Variants in NUBPL observed in about 807,000 individuals in gnomAD.
The protein encoded by NUBPL is iron-sulfur cluster transfer protein NUBPL.
A neutral mutation model predicts 45.7 loss-of-function variants in NUBPL; 31 were observed. The observed-to-expected ratio is 0.68, with a 90% confidence interval of 0.51 to 0.92. The LOEUF (loss-of-function observed/expected upper bound fraction) is 0.92. Among genes scored for constraint, NUBPL ranks in the 40% least tolerant of loss-of-function variants. The pLI is 0.00. For synonymous variants in NUBPL, 144 were observed against 140.9 expected (o/e 1.02, Z -0.15); for missense variants, 401 against 398.7 (o/e 1.01, Z -0.05).
chr14:31,653,075 T>A (rs2036051646), intron 4 of NUBPL, among the ~76,000 whole-genome samples: 1 of 152,064 alleles, frequency 6.6e-6, no homozygotes, highest in South Asian at 2.1e-4. Flanking sequence ...AAAGATTACA[T>A]ACTTCAAAGG....
At chr14:31,809,343 A>C (rs113951227) in intron 7 of NUBPL, among the ~76,000 whole-genome samples, 11,200 of 152,150 alleles carry the variant, frequency 0.074, 470 homozygotes, top group Non-Finnish European at 0.091. Context: ...GTTTAGTCTT[A>C]GGAGGGTGTA....
intron 3 of NUBPL, among the ~76,000 whole-genome samples, chr14:31,579,247 G>A (rs1280083406): frequency 1.3e-5 from 2 of 152,276 alleles, no homozygotes; most frequent in East Asian, 1.9e-4. Context: ...CTTAAATAAA[G>A]GATGACCAAT....
chr14:31,742,279 C>CAT (rs1232193117), intron 6 of NUBPL, among the ~76,000 whole-genome samples: 2 of 149,010 alleles, frequency 1.3e-5, no homozygotes, highest in South Asian at 2.1e-4. Flanking sequence ...CACACACACA[C>CAT]ATCTTCCTTT....
chr14:31,844,261 C>G (rs1315617533), intron 8 of NUBPL: 2 of 152,158 alleles, frequency 1.3e-5, no homozygotes, highest in South Asian at 2.1e-4. Flanking sequence ...CAAAGATTTT[C>G]ACTTTCTTTA....
chr14:31,612,661 G>GA lies in NUBPL; in HGVS notation c.382+13292dup, dbSNP rs796995974. Reference sequence around the variant, plus strand: ...GGCAACAGAGCAAGACTCTGTCTCAGAAAAAAAAAAGAAAAGAAAAGAAAA... The same window carrying GA: ...GGCAACAGAGCAAGACTCTGTCTCAGAAAAAAAAAAAGAAAAGAAAAGAAAA... On this transcript the variant is annotated intron_variant, in intron 4 of 10. Transcript: ENST00000281081. Among the ~76,000 whole-genome samples the GA allele has an allele frequency of 8.8e-3, 1,021 of 116,114 alleles. 8 individuals carry two copies. Among genetic ancestry groups the GA allele is most frequent in the African/African-American group, 0.029 (898 of 30,462 alleles). The allele number at this position is 116,114 out of a possible 152,430, so 76.2% of individuals were successfully genotyped here.
At chr14:31,677,110 G>C (rs1183453943) in intron 6 of NUBPL, among the ~76,000 whole-genome samples, 1 of 152,014 alleles carries the variant, frequency 6.6e-6, no homozygotes. Flanking sequence ...GATACAGACA[G>C]GCACTGAGTA....
intron 8 of NUBPL, among the ~76,000 whole-genome samples, chr14:31,838,149 C>T (rs2040311609): frequency 6.6e-6 from 1 of 151,906 alleles, no homozygotes; most frequent in Admixed American, 6.6e-5. Flanking sequence ...CTGATGGTAC[C>T]AAAGATCCAG....
At chr14:31,758,444 A>G (rs944340204) in intron 6 of NUBPL, among the ~76,000 whole-genome samples, 10 of 152,216 alleles carry the variant, frequency 6.6e-5, no homozygotes, top group African/African-American at 9.6e-5. Context: ...AGAAAAATGT[A>G]GAAAATTCAC....
chr14:31,731,388 GAC>G (rs1478489464), intron 6 of NUBPL, among the ~76,000 whole-genome samples: 1 of 152,172 alleles, frequency 6.6e-6, no homozygotes, highest in Non-Finnish European at 1.5e-5. Flanking sequence ...TAATACATTT[GAC>G]ACACATAATT....
chr14:31,716,849 A>C (rs2037700040), intron 6 of NUBPL, among the ~76,000 whole-genome samples: 1 of 152,090 alleles, frequency 6.6e-6, no homozygotes, highest in Admixed American at 6.5e-5. Context: ...CTCAGGCTAA[A>C]ATCCTGAGTG....
At chr14:31,666,830 T>C (rs945196957) in intron 4 of NUBPL, among the ~76,000 whole-genome samples, 1 of 152,196 alleles carries the variant, frequency 6.6e-6, no homozygotes, top group Non-Finnish European at 1.5e-5. Flanking sequence ...TGGCCGTATA[T>C]GAAATTCTGG....
At chr14:31,637,925 A>G (rs375824652) in intron 4 of NUBPL, among the ~76,000 whole-genome samples, 1 of 150,980 alleles carries the variant, frequency 6.6e-6, no homozygotes, top group Non-Finnish European at 1.5e-5. Context: ...GCCTTTTTTT[A>G]TTTTCCATTT....
chr14:31,729,351 A>G (rs369076853), intron 6 of NUBPL, among the ~76,000 whole-genome samples: 1 of 145,686 alleles, frequency 6.9e-6, no homozygotes, highest in Non-Finnish European at 1.5e-5. Flanking sequence ...AGAATATATG[A>G]TGAACAAAAT....
chr14:31,623,605 G>A (rs2035126660), intron 4 of NUBPL, among the ~76,000 whole-genome samples: 1 of 152,154 alleles, frequency 6.6e-6, no homozygotes, highest in Admixed American at 6.5e-5. Flanking sequence ...TTGCTGCCAT[G>A]TAGGACGTGC....
chr14:31,767,025 T>A (rs1249729803), intron 6 of NUBPL, among the ~76,000 whole-genome samples: 2 of 151,338 alleles, frequency 1.3e-5, no homozygotes, highest in African/African-American at 2.4e-5. Flanking sequence ...CTGAAAAAAA[T>A]TTTCTAACGG....
At chr14:31,615,039 T>C (rs1451608004) in intron 4 of NUBPL, among the ~76,000 whole-genome samples, 1 of 152,154 alleles carries the variant, frequency 6.6e-6, no homozygotes, top group Non-Finnish European at 1.5e-5. Flanking sequence ...CCCAATGTCA[T>C]GTTGAATTGT....
chr14:31,728,788 T>G (rs61668981), intron 6 of NUBPL, among the ~76,000 whole-genome samples: 222 of 152,326 alleles, frequency 1.5e-3, no homozygotes, highest in Middle Eastern at 0.014. Context: ...CTGTAGTAGG[T>G]GATTCTTTCA....
At chr14:31,810,518 T>C (rs537748718) in intron 7 of NUBPL, among the ~76,000 whole-genome samples, 1 of 152,232 alleles carries the variant, frequency 6.6e-6, no homozygotes, top group South Asian at 2.1e-4. Context: ...TGTCTCTGCA[T>C]GTGAGATGGG....
intron 8 of NUBPL, among the ~76,000 whole-genome samples, chr14:31,841,926 T>TGTTTTTG (rs1161613434): frequency 1.1e-4 from 13 of 115,286 alleles, no homozygotes; most frequent in South Asian, 3.1e-4. Context: ...GCTTTTTTTT[T>TGTTTTTG]TTTTTTTTTT....
Sources: allele counts gnomAD v4.1 joint callset (sites outside exome capture counted in the v4.1 genomes callset), GRCh38; gene constraint gnomAD v4.1.1; transcripts MANE v1.5; gene names NCBI Gene and HGNC (gene_info 2026-07-23, HGNC 2026-07-21).